PLEKHA8: variants seen among roughly 807,000 people sequenced by gnomAD.
The protein encoded by PLEKHA8 is pleckstrin homology domain-containing family A member 8.
Under a neutral mutation model 68.2 loss-of-function variants are expected in PLEKHA8, and 36 were observed. The ratio of observed to expected loss-of-function variants is 0.53; its 90% CI spans 0.40 to 0.70. The LOEUF (loss-of-function observed/expected upper bound fraction) is 0.70, where lower values mean the gene tolerates loss of function less well. PLEKHA8 is among the 30% of genes least tolerant of loss of function. PLEKHA8 has a pLI of 0.00. For missense variants in PLEKHA8, 505 were observed against 615.4 expected (o/e 0.82, Z 1.90); for synonymous variants, 211 against 216.1 (o/e 0.98, Z 0.20).
At chr7:30,046,763 G>C (rs1202087862) in intron 3 of PLEKHA8, among the ~76,000 whole-genome samples, 4 of 152,206 alleles carry the variant, frequency 2.6e-5, no homozygotes, top group African/African-American at 9.6e-5. Flanking sequence ...GGCCAAACTT[G>C]ACCTTTGGTG....
rs1369142995 is a variant in PLEKHA8, at chr7:30,050,424, T to A, written c.598-10T>A. The A allele has an allele frequency of 6.4e-7, 1 of 1,574,586 alleles. No individual in the cohort carries two copies. Among genetic ancestry groups the A allele is most frequent in the Non-Finnish European group, 8.6e-7 (1 of 1,162,144 alleles). ...ACATGTGAACTTTCCTTTCTTTGCT[T>A]CTTTTAAAGATGAAACATCCTATTA... On this transcript the variant is annotated splice_polypyrimidine_tract_variant and intron_variant, in intron 5 of 13. Coordinates refer to ENST00000449726, the MANE Select transcript of PLEKHA8 (RefSeq NM_001197026.2).
intron 12 of PLEKHA8, among the ~76,000 whole-genome samples, chr7:30,064,549 A>AAAAC (rs146187550): frequency 1.4e-4 from 21 of 152,252 alleles, no homozygotes; most frequent in African/African-American, 3.9e-4. Context: ...CCCTGTCTCA[A>AAAAC]AAACAAACAA....
intron 12 of PLEKHA8, among the ~76,000 whole-genome samples, chr7:30,071,522 A>G (rs549758629): frequency 5.9e-5 from 9 of 152,314 alleles, no homozygotes; most frequent in African/African-American, 2.2e-4. Context: ...CTGCATACAG[A>G]TAGCTACTCT....
At chr7:30,126,206 G>C (rs936003508) in intron 13 of PLEKHA8, among the ~76,000 whole-genome samples, 2 of 130,504 alleles carry the variant, frequency 1.5e-5, no homozygotes, top group Admixed American at 7.5e-5. Context: ...CTACAGGCCA[G>C]ATTTTGTGTC....
chr7:30,073,997 A>C, intron 12 of PLEKHA8, 74 bp from the exon 13 acceptor site: 11 of 1,340,842 alleles, frequency 8.2e-6, no homozygotes, highest in Non-Finnish European at 1.0e-5. Context: ...TTAAAAAAAA[A>C]AAAAGTACAT....
chr7:30,052,923 A>C, intron 7 of PLEKHA8, 57 bp downstream of exon 7: 1 of 1,395,474 alleles, frequency 7.2e-7, no homozygotes, highest in Non-Finnish European at 9.7e-7. Context: ...AAAATTTGGG[A>C]ATTTGATGAA....
intron 13 of PLEKHA8, among the ~76,000 whole-genome samples, chr7:30,101,979 C>T (rs139450802): frequency 6.6e-6 from 1 of 152,140 alleles, no homozygotes; most frequent in Non-Finnish European, 1.5e-5. Context: ...AGGACATTGT[C>T]AAAGAAATGA....
rs764180450 is a variant in PLEKHA8, at chr7:30,054,800, T to C, written c.888T>C (p.Ser296=). Residue 296 remains serine, a synonymous_variant, in exon 8 of 14, where the codon TCT becomes TCC. Coordinates refer to ENST00000449726, the MANE Select transcript of PLEKHA8 (RefSeq NM_001197026.2). ...LTQSGSDSSC[S]PECLWEEGKE... The stretch of plus-strand genomic sequence containing the variant: ...AGTCTGGATCAGACTCAAGTTGCTC[T>C]CCGGAATGCCTCTGGGAGGAAGGCA... 25 of 1,612,408 alleles carry C rather than the reference T, an allele frequency of 1.6e-5. No individual in the cohort carries two copies. Among genetic ancestry groups the C allele is most frequent in the Non-Finnish European group, 2.1e-5 (25 of 1,178,904 alleles).
intron 5 of PLEKHA8, 132 bp from the exon 6 acceptor site, chr7:30,050,302 G>A (rs1006935213): frequency 2.2e-5 from 26 of 1,189,042 alleles, no homozygotes; most frequent in Non-Finnish European, 2.8e-5. Context: ...ACCTAAAATT[G>A]TTTTTGTTTA....
intron 13 of PLEKHA8, among the ~76,000 whole-genome samples, chr7:30,097,656 G>A (rs183538807): frequency 5.9e-5 from 9 of 152,188 alleles, no homozygotes; most frequent in East Asian, 3.9e-4. Context: ...CATAGTTCTC[G>A]TGCCGTGGTT....
At chr7:30,032,579 C>T (rs368028536) in intron 1 of PLEKHA8, among the ~76,000 whole-genome samples, 42 of 152,286 alleles carry the variant, frequency 2.8e-4, no homozygotes, top group African/African-American at 9.6e-4. Flanking sequence ...AGAGTCAGTG[C>T]TCCATTAGAC....
rs1262024556 is a variant in PLEKHA8 at position 30,084,097 on chromosome 7, G to A, written c.*5310G>A. ...ATGTGAAATTGGCTGTGGACAATCT[G>A]TGTCAGATGAGAAATGTGTTCAGAT... On this transcript the variant is annotated 3_prime_UTR_variant, in exon 14 of 14. Coordinates refer to ENST00000449726, the MANE Select transcript of PLEKHA8 (RefSeq NM_001197026.2). The A allele has an allele frequency of 2.0e-6, 2 of 985,248 alleles. No individual in the cohort carries two copies. Among genetic ancestry groups the A allele is most frequent in the Non-Finnish European group, 2.4e-6 (2 of 829,904 alleles). 61.0% of individuals were successfully genotyped at this position (985,248 alleles called of 1,614,324 possible).
chr7:30,110,385 A>G (rs187334434), intron 13 of PLEKHA8, among the ~76,000 whole-genome samples: 1 of 152,328 alleles, frequency 6.6e-6, no homozygotes, highest in Non-Finnish European at 1.5e-5. Flanking sequence ...ATTCCATTGT[A>G]TAGGTATATG....
chr7:30,099,655 A>G (rs909797860), intron 13 of PLEKHA8, among the ~76,000 whole-genome samples: 9 of 152,228 alleles, frequency 5.9e-5, no homozygotes, highest in Non-Finnish European at 1.0e-4. Flanking sequence ...TTTCAAGTAC[A>G]TGTGGAATAT....
intron 12 of PLEKHA8, among the ~76,000 whole-genome samples, chr7:30,072,475 A>G (rs1241825802): frequency 6.6e-6 from 1 of 152,264 alleles, no homozygotes; most frequent in Non-Finnish European, 1.5e-5. Context: ...CATAATTTCA[A>G]AGCTGGAAGG....
rs556465890 is a variant in PLEKHA8 at position 30,078,826 on chromosome 7, T to C, written c.*39T>C. The C allele has an allele frequency of 1.1e-4, 171 of 1,593,844 alleles. No homozygotes were observed. Among genetic ancestry groups the C allele is most frequent in the Admixed American group, 7.1e-4 (41 of 57,554 alleles). On this transcript the variant is annotated 3_prime_UTR_variant, in exon 14 of 14. Transcript: ENST00000449726. ...GCACCTCCTAACTTCAGGGAATAAG[T>C]GCTAAAGTGTTTTGTTGCCCTACTT...
rs1185946317 is a variant in PLEKHA8 at position 30,045,540 on chromosome 7, G to C, written c.157+339G>C. Among the ~76,000 whole-genome samples, 3 of 152,110 alleles carry C rather than the reference G, an allele frequency of 2.0e-5. No homozygotes were observed. In the East Asian group the frequency reaches 5.8e-4, roughly 29 times the overall value. On this transcript the variant is annotated intron_variant, in intron 2 of 13. Transcript: ENST00000449726. The stretch of plus-strand genomic sequence containing the variant: ...TCAAACACTTTTGTGTTTAAATCAG[G>C]ATGGACACACACACACACACCCTCC...
intron 1 of PLEKHA8, among the ~76,000 whole-genome samples, chr7:30,043,406 A>G (rs1359249980): frequency 2.6e-5 from 4 of 152,216 alleles, no homozygotes; most frequent in African/African-American, 4.8e-5. Context: ...CTGACCTGCA[A>G]TAAAGGGTCT....
At chr7:30,087,991 C>T (rs1015173820), downstream of PLEKHA8, among the ~76,000 whole-genome samples, 7 of 152,314 alleles carry the variant, frequency 4.6e-5, no homozygotes, top group East Asian at 1.9e-4. Flanking sequence ...CAATGTGCCC[C>T]GCACCTGACA....
Sources: allele counts gnomAD v4.1 joint callset (sites outside exome capture counted in the v4.1 genomes callset), GRCh38; gene constraint gnomAD v4.1.1; transcripts MANE v1.5; gene names NCBI Gene and HGNC (gene_info 2026-07-23, HGNC 2026-07-21).